GOLGB1: variants seen among roughly 807,000 people sequenced by gnomAD.
The protein encoded by GOLGB1 is golgin B1.
GOLGB1 carries 174 observed loss-of-function variants against 336.9 expected under a neutral mutation model. The ratio of observed to expected loss-of-function variants is 0.52; its 90% CI spans 0.46 to 0.59. The LOEUF (loss-of-function observed/expected upper bound fraction) is 0.59, where lower values mean the gene tolerates loss of function less well. GOLGB1 is among the 20% of genes least tolerant of loss of function. GOLGB1 has a pLI of 0.00. For missense variants in GOLGB1, 3,331 were observed against 3,645.3 expected (o/e 0.91, Z 2.22); for synonymous variants, 1,208 against 1,289.2 (o/e 0.94, Z 1.35).
intron 6 of GOLGB1, among the ~76,000 whole-genome samples, chr3:121,720,020 T>C (rs780006578): frequency 1.3e-5 from 2 of 152,336 alleles, no homozygotes; most frequent in East Asian, 3.9e-4. Flanking sequence ...TATATGTTCA[T>C]GGTTACTAGA....
rs550139935 is a variant in GOLGB1 at position 121,671,753 on chromosome 3, C to G, written c.9178-2398G>C. 4.9e-4 allele frequency among the ~76,000 whole-genome samples: 74 copies of G among 152,156 alleles called. 1 individual carries two copies. In the South Asian group the frequency reaches 0.015, roughly 31 times the overall value. ...CTAGGTCTTATTTCTTCTATCAAACCATGTATTTGCACCCATTAATCAACT... is the reference window on the plus strand; with the variant it reads ...CTAGGTCTTATTTCTTCTATCAAACGATGTATTTGCACCCATTAATCAACT... On this transcript the variant is annotated intron_variant, in intron 17 of 21. Coordinates refer to ENST00000614479, the MANE Select transcript of GOLGB1 (RefSeq NM_001366282.2).
At chr3:121,706,753 A>AC (rs1943885357) in intron 10 of GOLGB1, among the ~76,000 whole-genome samples, 1 of 149,562 alleles carries the variant, frequency 6.7e-6, no homozygotes, top group Non-Finnish European at 1.5e-5. Context: ...AAAAAAAAAA[A>AC]AAAAAACCAA....
Position 121,695,015 on chromosome 3 carries a change from T to A in GOLGB1, c.5508A>T (p.Ser1836=), listed in dbSNP as rs1301507281. ...GTAGGTAGTTATTAATTTCATCATG[T>A]GAGCTGAAATCCTTACTTACAGCAG... is the stretch of plus-strand genomic sequence containing the variant. ...ANPAVSKDFS[S]HDEINNYLQQ... The change falls in exon 13 of 22, where the codon TCA becomes TCT. Residue 1836 remains serine, a synonymous_variant. Coordinates refer to ENST00000614479, the MANE Select transcript of GOLGB1 (RefSeq NM_001366282.2). 1 of 1,613,394 alleles carries A rather than the reference T, an allele frequency of 6.2e-7. No individual in the cohort carries two copies. The highest frequency in any genetic ancestry group is 8.5e-7 in the Non-Finnish European group (1 of 1,179,416).
chr3:121,744,654 A>G (rs1407750267), intron 1 of GOLGB1, among the ~76,000 whole-genome samples: 2 of 151,746 alleles, frequency 1.3e-5, no homozygotes, highest in African/African-American at 2.4e-5. Context: ...AGATTGATAG[A>G]ATAAAACAAA....
chr3:121,724,921 T>C (rs1464554678), intron 5 of GOLGB1, among the ~76,000 whole-genome samples: 7 of 152,306 alleles, frequency 4.6e-5, no homozygotes, highest in African/African-American at 1.7e-4. Flanking sequence ...GTATGGCTCA[T>C]GTCACAGCTC....
intron 1 of GOLGB1, chr3:121,748,772 T>C: frequency 1.0e-6 from 1 of 973,076 alleles, no homozygotes; most frequent in Non-Finnish European, 1.2e-6. Flanking sequence ...TCTCCAAAAG[T>C]GAAAGTACTT....
Position 121,691,416 on chromosome 3 carries a change from T to C in GOLGB1, c.7948A>G (p.Ser2650Gly). The C allele has an allele frequency of 6.2e-7, 1 of 1,613,832 alleles. No homozygotes were observed. Among genetic ancestry groups the C allele is most frequent in the East Asian group, 2.2e-5 (1 of 44,878 alleles). Residue 2650 changes from serine (S) to glycine (G), a missense_variant, in exon 14 of 22, where the codon AGT becomes GGT. Physicochemically the swap from Ser to Gly is moderately conservative, Grantham distance 56. Coordinates refer to ENST00000614479, the MANE Select transcript of GOLGB1 (RefSeq NM_001366282.2). ...KVKEEEVHRL[S>G]ALFSSSQKRI... is the part of the protein sequence containing the mutation. ...TTTTGAGAGGAGGAAAACAAAGCAC[T>C]TAACCTGTGTACCTCTTCTTCTTTT...
At chr3:121,689,948 A>C (rs1448148977) in intron 14 of GOLGB1, among the ~76,000 whole-genome samples, 1 of 152,300 alleles carries the variant, frequency 6.6e-6, no homozygotes, top group South Asian at 2.1e-4. Flanking sequence ...GGCTTGGCTC[A>C]TACAGTTCCA....
Position 121,692,393 on chromosome 3 carries a change from T to A in GOLGB1, c.6971A>T (p.Asp2324Val). Residue 2324 changes from aspartate to valine, a missense_variant, in exon 14 of 22, where the codon GAC becomes GTC. Coordinates refer to ENST00000614479, the MANE Select transcript of GOLGB1 (RefSeq NM_001366282.2). ...KLESELKSLKDQLTDLSNSLE... is the reference protein window; with the variant it reads ...KLESELKSLKVQLTDLSNSLE... Reference sequence around the variant, plus strand: ...AGAGTTACTTAAATCAGTCAACTGGTCTTTGAGACTCTTAAGTTCTGATTC... The same window carrying A: ...AGAGTTACTTAAATCAGTCAACTGGACTTTGAGACTCTTAAGTTCTGATTC... 1 of 1,612,044 alleles carries A rather than the reference T, an allele frequency of 6.2e-7. No individual in the cohort carries two copies. Among genetic ancestry groups the A allele is most frequent in the Non-Finnish European group, 8.5e-7 (1 of 1,179,520 alleles).
intron 20 of GOLGB1, among the ~76,000 whole-genome samples, chr3:121,666,601 A>G (rs1242556241): frequency 6.6e-6 from 1 of 152,204 alleles, no homozygotes; most frequent in African/African-American, 2.4e-5. Flanking sequence ...TTGGATTGGA[A>G]AGAAAGGTAT....
At chr3:121,722,790 G>T (rs113741349) in intron 5 of GOLGB1, among the ~76,000 whole-genome samples, 1 of 152,204 alleles carries the variant, frequency 6.6e-6, no homozygotes, top group African/African-American at 2.4e-5. Flanking sequence ...GAAATCTGAT[G>T]GGTCTGAGAA....
At chr3:121,722,731 T>C (rs371094398) in intron 5 of GOLGB1, among the ~76,000 whole-genome samples, 152 of 152,286 alleles carry the variant, frequency 1.0e-3, no homozygotes, top group African/African-American at 3.3e-3. Flanking sequence ...AAGAACTACA[T>C]TGTATTAGAG....
At chr3:121,678,903 A>G (rs1233765559) in intron 15 of GOLGB1, among the ~76,000 whole-genome samples, 1 of 151,886 alleles carries the variant, frequency 6.6e-6, no homozygotes, top group African/African-American at 2.4e-5. Flanking sequence ...AACAGTAACA[A>G]CCTCCCAAAA....
rs765319700 is a variant in GOLGB1 at position 121,714,908 on chromosome 3, T to C, written c.1357A>G (p.Thr453Ala). The C allele has an allele frequency of 6.2e-7, 1 of 1,613,270 alleles. No individual in the cohort carries two copies. Among genetic ancestry groups the C allele is most frequent in the Non-Finnish European group, 8.5e-7 (1 of 1,179,352 alleles). Residue 453 changes from threonine to alanine, a missense_variant, in exon 10 of 22, where the codon ACA (threonine) becomes GCA (alanine). Coordinates refer to ENST00000614479, the MANE Select transcript of GOLGB1 (RefSeq NM_001366282.2). ...TCTGGGAAAGAAGTCTGAGATGCTG[T>C]TTCATGTTGTTGCAAGGGCAGTCTA... The part of the protein sequence containing the change: ...LNRLPLQQHE[T>A]ASQTSFPDVY...
chr3:121,725,991 A>T (rs1406750888), intron 5 of GOLGB1, among the ~76,000 whole-genome samples: 53 of 152,172 alleles, frequency 3.5e-4, no homozygotes, highest in African/African-American at 1.3e-3. Context: ...AAATTTATTT[A>T]AATTAAATTA....
chr3:121,695,919 T>G lies in GOLGB1; in HGVS notation c.4604A>C (p.Gln1535Pro). 2 of 1,613,596 alleles carry G rather than the reference T, an allele frequency of 1.2e-6. No homozygotes were observed. The highest frequency in any genetic ancestry group is 2.2e-5 in the South Asian group (2 of 90,966). The change falls in exon 13 of 22, where the codon CAA becomes CCA. Residue 1535 changes from glutamine (Q) to proline (P), a missense_variant. Gln to Pro is a moderately conservative substitution (Grantham distance 76, BLOSUM62 -1). Transcript: ENST00000614479. ...LADVESQVSA[Q>P]NKEKDTVLGR... The stretch of plus-strand genomic sequence containing the variant: ...TAAGACCGTATCTTTTTCTTTATTT[T>G]GAGCAGAAACTTGGCTTTCCACATC...
intron 10 of GOLGB1, among the ~76,000 whole-genome samples, chr3:121,710,567 G>C (rs1475999788): frequency 6.6e-6 from 1 of 152,172 alleles, no homozygotes; most frequent in Non-Finnish European, 1.5e-5. Flanking sequence ...GGTTGGGTGT[G>C]GTGGCTCATG....
At chr3:121,723,901 T>C (rs1013927052) in intron 5 of GOLGB1, among the ~76,000 whole-genome samples, 2 of 152,122 alleles carry the variant, frequency 1.3e-5, no homozygotes, top group South Asian at 2.1e-4. Context: ...ATGAAGGTCA[T>C]ATCCCATTTA....
chr3:121,694,711 G>A lies in GOLGB1; in HGVS notation c.5812C>T (p.Leu1938Phe). 2 of 1,611,974 alleles carry A rather than the reference G, an allele frequency of 1.2e-6. No individual in the cohort carries two copies. Among genetic ancestry groups the A allele is most frequent in the Middle Eastern group, 1.6e-4 (1 of 6,062 alleles). Reference protein sequence around the residue: ...EERLMNQLAELNGSIGNYCQD... With the variant: ...EERLMNQLAEFNGSIGNYCQD... ...CAGTAATTCCCAATGCTTCCATTAA[G>A]TTCTGCTAATTGATTCATAAGCCTC... Residue 1938 changes from leucine to phenylalanine, a missense_variant, in exon 13 of 22, where the codon CTT becomes TTT. By Grantham distance (22) the Leu-to-Phe change is conservative. Transcript: ENST00000614479.
Sources: gnomAD v4.1 joint callset for allele counts (sites outside exome capture counted in the v4.1 genomes callset) on GRCh38, gnomAD v4.1.1 for gene constraint, MANE v1.5 for transcripts, NCBI Gene and HGNC (gene_info 2026-07-23, HGNC 2026-07-21) for gene names.